LRMDA: variants seen among roughly 807,000 people sequenced by gnomAD.
The protein encoded by LRMDA is leucine-rich melanocyte differentiation-associated protein.
LRMDA carries 18 observed loss-of-function variants against 29.8 expected under a neutral mutation model. The ratio of observed to expected loss-of-function variants is 0.60; its 90% CI spans 0.42 to 0.90. The LOEUF is 0.90. Ranked by LOEUF, LRMDA falls within the 40% of genes least tolerant of loss-of-function variation. The probability of loss-of-function intolerance (pLI) is 0.00; values close to 1 mark genes in which losing one functional copy is unlikely to be tolerated. For missense variants in LRMDA, 273 were observed against 273.9 expected, an observed-to-expected ratio of 1.00 and a Z score of 0.02; for synonymous variants, 125 against 109.4, an observed-to-expected ratio of 1.14 and a Z score of -0.89.
At chr10:75,699,482 T>A (rs1842279071) in intron 2 of LRMDA, among the ~76,000 whole-genome samples, 1 of 152,234 alleles carries the variant, frequency 6.6e-6, no homozygotes, top group South Asian at 2.1e-4. Context: ...ATTAAAAAAG[T>A]CTGCCCAAAG....
At chr10:75,729,087 G>A (rs926531835) in intron 2 of LRMDA, among the ~76,000 whole-genome samples, 2 of 152,150 alleles carry the variant, frequency 1.3e-5, no homozygotes, top group Non-Finnish European at 2.9e-5. Flanking sequence ...CCTCTCTTTT[G>A]CCACATCGCA....
intron 2 of LRMDA, among the ~76,000 whole-genome samples, chr10:75,811,728 C>A (rs1843963550): frequency 6.6e-6 from 1 of 152,200 alleles, no homozygotes; most frequent in Admixed American, 6.5e-5. Flanking sequence ...GCTCATGCTC[C>A]CATTCCTACC....
At chr10:76,485,080 C>T (rs751572073) in intron 6 of LRMDA, among the ~76,000 whole-genome samples, 2 of 151,702 alleles carry the variant, frequency 1.3e-5, no homozygotes, top group African/African-American at 4.8e-5. Flanking sequence ...TGTTTTTTAT[C>T]TGCTTCAACA....
At chr10:76,515,852 TGCATTTC>T in intron 6 of LRMDA, among the ~76,000 whole-genome samples, 1 of 152,176 alleles carries the variant, frequency 6.6e-6, no homozygotes, top group East Asian at 1.9e-4. Context: ...TTATTGTTAG[TGCATTTC>T]TGGGTCAGCT....
At chr10:76,034,834 G>A (rs141094243) in intron 2 of LRMDA, among the ~76,000 whole-genome samples, 6 of 152,080 alleles carry the variant, frequency 3.9e-5, no homozygotes, top group African/African-American at 7.2e-5. Flanking sequence ...TCTCCCTCCC[G>A]TCCACATCGT....
intron 2 of LRMDA, among the ~76,000 whole-genome samples, chr10:75,487,069 C>A (rs1174908320): frequency 6.6e-6 from 1 of 151,974 alleles, no homozygotes; most frequent in Non-Finnish European, 1.5e-5. Context: ...TCAGATGACC[C>A]CAGTAAATTA....
At chr10:76,134,089 G>A (rs919195728) in intron 5 of LRMDA, among the ~76,000 whole-genome samples, 3 of 152,198 alleles carry the variant, frequency 2.0e-5, no homozygotes. Flanking sequence ...GAGAGCTTTC[G>A]AGGCACTGCA....
chr10:75,594,166 G>C (rs1840757511), intron 2 of LRMDA, among the ~76,000 whole-genome samples: 1 of 152,190 alleles, frequency 6.6e-6, no homozygotes, highest in African/African-American at 2.4e-5. Context: ...CCCTGTTGAT[G>C]GGCTAAGGAA....
intron 2 of LRMDA, among the ~76,000 whole-genome samples, chr10:75,827,099 A>C (rs2204752): frequency 0.15 from 23,215 of 152,216 alleles, 2,076 homozygotes; most frequent in Non-Finnish European, 0.2. Flanking sequence ...ATTACTTTTC[A>C]TGGAAAATAC....
At chr10:76,006,559 A>G (rs1048787797) in intron 2 of LRMDA, among the ~76,000 whole-genome samples, 3 of 152,212 alleles carry the variant, frequency 2.0e-5, no homozygotes, top group African/African-American at 7.2e-5. Context: ...TCACAGACAC[A>G]TAAATATTTA....
intron 5 of LRMDA, among the ~76,000 whole-genome samples, chr10:76,261,059 CTTTTCTTTTTT>C (rs1383049562): frequency 3.3e-4 from 35 of 106,858 alleles, no homozygotes; most frequent in Admixed American, 5.9e-4. Context: ...CGTTTCTTTT[CTTTTCTTTTTT>C]TTTTTTTTTT....
intron 6 of LRMDA, among the ~76,000 whole-genome samples, chr10:76,476,102 A>G (rs1157650614): frequency 6.6e-6 from 1 of 152,140 alleles, no homozygotes; most frequent in African/African-American, 2.4e-5. Flanking sequence ...AAAATCAATG[A>G]ATCCAGGAGC....
At chr10:76,324,596 T>C in intron 6 of LRMDA, 111 bp downstream of exon 6, 1 of 899,976 alleles carries the variant, frequency 1.1e-6, no homozygotes, top group Non-Finnish European at 1.8e-6. Context: ...ACACAGTGCT[T>C]TTTAAGTCCT....
At chr10:75,504,817 G>A (rs920671439) in intron 2 of LRMDA, among the ~76,000 whole-genome samples, 3 of 152,120 alleles carry the variant, frequency 2.0e-5, no homozygotes, top group African/African-American at 7.2e-5. Flanking sequence ...GATTTTTACT[G>A]TTACCCTAAG....
chr10:75,769,236 A>C (rs755882551), intron 2 of LRMDA, among the ~76,000 whole-genome samples: 6 of 152,260 alleles, frequency 3.9e-5, no homozygotes, highest in Non-Finnish European at 7.3e-5. Context: ...ATAAAATTAC[A>C]TAAAAGGAGC....
At chr10:76,349,727 A>G (rs1841151848) in intron 6 of LRMDA, among the ~76,000 whole-genome samples, 1 of 152,178 alleles carries the variant, frequency 6.6e-6, no homozygotes, top group Admixed American at 6.6e-5. Context: ...TAGAGCAACA[A>G]AAACTGAAAA....
intron 2 of LRMDA, among the ~76,000 whole-genome samples, chr10:75,697,781 G>T (rs959986868): frequency 1.6e-4 from 24 of 151,980 alleles, no homozygotes; most frequent in African/African-American, 5.6e-4. Context: ...TAAATTATAT[G>T]CTAGAAACAC....
chr10:76,217,678 G>A (rs1436058669), intron 5 of LRMDA, among the ~76,000 whole-genome samples: 1 of 152,192 alleles, frequency 6.6e-6, no homozygotes, highest in East Asian at 1.9e-4. Flanking sequence ...TTGGGAAAGG[G>A]ATATGGGTAA....
chr10:76,288,730 AC>A (rs1486489781), intron 5 of LRMDA, among the ~76,000 whole-genome samples: 3 of 152,010 alleles, frequency 2.0e-5, no homozygotes, highest in African/African-American at 7.2e-5. Context: ...TGCACCTCCA[AC>A]CCCAAACCCC....
Sources: gnomAD v4.1 joint callset for allele counts (sites outside exome capture counted in the v4.1 genomes callset) on GRCh38, gnomAD v4.1.1 for gene constraint, MANE v1.5 for transcripts, NCBI Gene and HGNC (gene_info 2026-07-23, HGNC 2026-07-21) for gene names.